Variants in ABCB4 observed in about 807,000 individuals in gnomAD.
ABCB4 encodes phosphatidylcholine translocator ABCB4.
Under a neutral mutation model 145.7 loss-of-function variants are expected in ABCB4, and 76 were observed. The observed-to-expected ratio is 0.52, with a 90% CI of 0.43 to 0.63. The LOEUF (loss-of-function observed/expected upper bound fraction) is 0.63, where lower values mean the gene tolerates loss of function less well. Ranked by LOEUF, ABCB4 falls within the 30% of genes least tolerant of loss-of-function variation. The pLI is 0.00. For synonymous variants in ABCB4, 517 were observed against 566.8 expected (o/e 0.91, Z 1.25); for missense variants, 1,234 against 1,553.1 (o/e 0.79, Z 3.45).
chr7:87,448,476 T>G (rs1424434071), intron 8 of ABCB4, among the ~76,000 whole-genome samples: 1 of 152,224 alleles, frequency 6.6e-6, no homozygotes, highest in Admixed American at 6.5e-5. Flanking sequence ...GCTGCATCTC[T>G]GGGGGTAGCC....
chr7:87,442,123 A>G (rs1811032146), intron 12 of ABCB4, among the ~76,000 whole-genome samples: 1 of 152,140 alleles, frequency 6.6e-6, no homozygotes, highest in African/African-American at 2.4e-5. Flanking sequence ...AGTTGTTTCA[A>G]TAATAATTTA....
At chr7:87,462,397 G>A (rs1562998080) in intron 4 of ABCB4, among the ~76,000 whole-genome samples, 1 of 152,158 alleles carries the variant, frequency 6.6e-6, no homozygotes, top group Admixed American at 6.5e-5. Flanking sequence ...GTACTGCCAT[G>A]TTTAACTGAT....
chr7:87,438,352 A>G lies in ABCB4; in HGVS notation c.1731+1315T>C, dbSNP rs76501828. Among the ~76,000 whole-genome samples the G allele has an allele frequency of 3.9e-5, 6 of 152,332 alleles. No individual in the cohort carries two copies. The East Asian group carries it at 9.6e-4, about 24-fold the overall frequency. On this transcript the variant is annotated intron_variant, in intron 14 of 27. Transcript: ENST00000649586. ...ATATGCATTATATTTTGACTCCTTA[A>G]TATCATGATTTAATATACACAAAAG... is the stretch of plus-strand genomic sequence containing the variant.
At chr7:87,367,356 A>C in the ABCB4 span, among the ~76,000 whole-genome samples, 2 of 152,184 alleles carry the variant, frequency 1.3e-5, no homozygotes, top group Non-Finnish European at 2.9e-5. Context: ...AAGCTGGAAA[A>C]AGGAAGGAAA....
rs1159353247 is a variant in ABCB4, at chr7:87,451,624, T to C, written c.707A>G (p.Lys236Arg). ...TAAAAAGGCCCAGCTTTCACATACC[T>C]TTGCCCAAACGGCTGCAGAGAGTCC... is the stretch of plus-strand genomic sequence containing the variant. Reference protein sequence around the residue: ...ILGLSAAVWAKILSAFSDKEL... With the variant: ...ILGLSAAVWARILSAFSDKEL... Residue 236 changes from lysine (K) to arginine (R), a missense_variant and splice_region_variant, in exon 7 of 28, where the codon AAG (lysine) becomes AGG (arginine). Lys to Arg is a conservative substitution (Grantham distance 26). Around this residue, in one of 7 missense-constraint regions of ABCB4, gnomAD observed 467 missense variants for 632.8 expected, o/e 0.74. Coordinates refer to ENST00000649586, the MANE Select transcript of ABCB4 (RefSeq NM_000443.4). The C allele has an allele frequency of 6.2e-7, 1 of 1,614,126 alleles. No homozygotes were observed. The highest frequency in any genetic ancestry group is 2.2e-5 in the East Asian group (1 of 44,872).
At chr7:87,397,790 G>T (rs182868736), downstream of ABCB4, among the ~76,000 whole-genome samples, 41 of 152,260 alleles carry the variant, frequency 2.7e-4, 1 homozygote, top group East Asian at 7.9e-3. Context: ...ACATGTTGAA[G>T]ACATAATTTA....
chr7:87,431,387 TCC>T lies in ABCB4; in HGVS notation c.1893+15_1893+16del. 2.5e-6 allele frequency: 4 copies of T among 1,613,982 alleles called. No individual in the cohort carries two copies. Among genetic ancestry groups the T allele is most frequent in the Non-Finnish European group, 3.4e-6 (4 of 1,179,904 alleles). On this transcript the variant is annotated intron_variant, in intron 15 of 27. Transcript: ENST00000649586. ...TTGAGGAGCAAATAGCAGAAAAAAT[TCC>T]TGAAAAGCAAGTACCTGCATGTTGA...
the ABCB4 span, among the ~76,000 whole-genome samples, chr7:87,367,436 A>C: frequency 6.6e-6 from 1 of 152,122 alleles, no homozygotes; most frequent in African/African-American, 2.4e-5. Flanking sequence ...CCAGTAAGAC[A>C]CATTTCAGAT....
At chr7:87,398,315 A>G (rs1807615359), downstream of ABCB4, 1 of 683,288 alleles carries the variant, frequency 1.5e-6, no homozygotes, top group Non-Finnish European at 2.7e-6. Flanking sequence ...CTTTGTCCCT[A>G]GGTGCTAGTC....
chr7:87,406,149 G>T (rs900247795), intron 26 of ABCB4, 139 bp downstream of exon 26: 1 of 827,636 alleles, frequency 1.2e-6, no homozygotes, highest in Non-Finnish European at 2.0e-6. Context: ...AGGAAGCTTG[G>T]TATCCTGAAG....
At chr7:87,407,917 G>T in intron 25 of ABCB4, 120 bp downstream of exon 25, 1 of 1,267,570 alleles carries the variant, frequency 7.9e-7, no homozygotes, top group Non-Finnish European at 1.1e-6. Flanking sequence ...TTTATAGAAT[G>T]TGGTCATTGT....
At chr7:87,447,307 C>T in intron 8 of ABCB4, 102 bp from the exon 9 acceptor site, 1 of 1,178,880 alleles carries the variant, frequency 8.5e-7, no homozygotes, top group South Asian at 1.4e-5. Flanking sequence ...GTAACAAAGT[C>T]AGTCAAGGTA....
rs1811857813 is a variant in ABCB4, at chr7:87,453,022, A to C, written c.458T>G (p.Phe153Cys). ...GRQIRKIRQK[F>C]FHAILRQEIG... ...TTCCTGTCGTAGAATAGCATGAAAA[A>C]ACTTCTGCCTAATTTTCCTGATCTG... Residue 153 changes from phenylalanine to cysteine, a missense_variant, in exon 6 of 28, where the codon TTT (phenylalanine) becomes TGT (cysteine). Physicochemically the swap from Phe to Cys is radical, Grantham distance 205. Transcript: ENST00000649586. 6.2e-7 allele frequency: 1 copy of C among 1,614,004 alleles called. No individual in the cohort carries two copies. Among genetic ancestry groups the C allele is most frequent in the Non-Finnish European group, 8.5e-7 (1 of 1,179,986 alleles).
chr7:87,426,560 C>T (rs189675804), intron 16 of ABCB4, among the ~76,000 whole-genome samples, 190 bp downstream of exon 16: 10 of 152,162 alleles, frequency 6.6e-5, no homozygotes, highest in Non-Finnish European at 1.2e-4. Context: ...CTTGAAAACC[C>T]ATTTATAATT....
chr7:87,399,470 G>A (rs1807682296), downstream of ABCB4: 1 of 152,140 alleles, frequency 6.6e-6, no homozygotes, highest in Non-Finnish European at 1.5e-5. Context: ...GTGAGACCCT[G>A]TCTCAAAGAA....
chr7:87,431,580 ATGTGG>A lies in ABCB4; in HGVS notation c.1732-20_1732-16del. Reference sequence around the variant, plus strand: ...CCTTCTCTGGCCTAAAAGAACAAAAATGTGGTGCATCAGGGTTACAGTATTGGCAC... The same window carrying A: ...CCTTCTCTGGCCTAAAAGAACAAAAATGCATCAGGGTTACAGTATTGGCAC... On this transcript the variant is annotated splice_polypyrimidine_tract_variant and intron_variant, in intron 14 of 27. Transcript: ENST00000649586. The A allele has an allele frequency of 6.2e-7, 1 of 1,614,006 alleles. No individual in the cohort carries two copies. Among genetic ancestry groups the A allele is most frequent in the Non-Finnish European group, 8.5e-7 (1 of 1,179,896 alleles).
In ABCB4 at chr7:87,409,276, T is replaced by G. The variant is rs928701624; in HGVS notation, c.3041A>C (p.Gln1014Pro). ...TTCACTGTAGCTGTCAATCAGAGGT[T>G]GTCTTTCAAACAGCATGAATAAGTG... ...AAHLFMLFERQPLIDSYSEEG... is the reference protein window; with the variant it reads ...AAHLFMLFERPPLIDSYSEEG... Residue 1014 changes from glutamine to proline, a missense_variant, in exon 24 of 28, where the codon CAA (glutamine) becomes CCA (proline). Around this residue, in one of 7 missense-constraint regions of ABCB4, gnomAD observed 301 missense variants for 389.0 expected, o/e 0.77. Coordinates refer to ENST00000649586, the MANE Select transcript of ABCB4 (RefSeq NM_000443.4). 4.3e-6 allele frequency: 7 copies of G among 1,614,024 alleles called. No individual in the cohort carries two copies. The highest frequency in any genetic ancestry group is 5.1e-6 in the Non-Finnish European group (6 of 1,180,002).
chr7:87,454,443 G>A (rs1019679675), intron 5 of ABCB4, 92 bp downstream of exon 5: 1 of 1,028,620 alleles, frequency 9.7e-7, no homozygotes, highest in African/African-American at 1.6e-5. Context: ...TCTGGGTAAA[G>A]AGTACACGTT....
In ABCB4 at chr7:87,406,322, G is replaced by A. The variant is rs1389692481; in HGVS notation, c.3452C>T (p.Ala1151Val). The A allele has an allele frequency of 3.1e-6, 5 of 1,614,024 alleles. No individual in the cohort carries two copies. In the South Asian group the frequency reaches 3.3e-5, roughly 11 times the overall value. ...CGTCTCGATGAAAGGATGTATGTTG[G>A]CAGCTTTGGCTGCACTCACAATTTC... is the stretch of plus-strand genomic sequence containing the variant. ...QDEIVSAAKA[A>V]NIHPFIETLP... Residue 1151 changes from alanine (A) to valine (V), a missense_variant, in exon 26 of 28, where the codon GCC becomes GTC. Transcript: ENST00000649586.
Sources: gnomAD v4.1 joint callset for allele counts (sites outside exome capture counted in the v4.1 genomes callset) on GRCh38, gnomAD v4.1.1 for gene constraint, gnomAD v4.1.1 regional missense constraint, MANE v1.5 for transcripts, NCBI Gene and HGNC (gene_info 2026-07-23, HGNC 2026-07-21) for gene names.